NDUFAF6: variants seen among roughly 807,000 people sequenced by gnomAD.
NDUFAF6 encodes the protein NADH:ubiquinone oxidoreductase complex assembly factor 6.
In NDUFAF6, 45 loss-of-function variants were observed where a neutral mutation model predicts 40.8. The observed-to-expected ratio is 1.10, with a 90% CI of 0.87 to 1.42. The LOEUF (loss-of-function observed/expected upper bound fraction) is 1.42. Ranked by LOEUF, NDUFAF6 falls within the 40% of genes most tolerant of loss-of-function variation. The pLI is 0.00. For missense variants in NDUFAF6, 435 were observed against 418.5 expected (o/e 1.04, Z -0.34); for synonymous variants, 185 against 155.9 (o/e 1.19, Z -1.39).
At chr8:95,046,908 A>G in intron 5 of NDUFAF6, 86 bp from the exon 6 acceptor site, 1 of 1,565,552 alleles carries the variant, frequency 6.4e-7, no homozygotes, top group Non-Finnish European at 8.8e-7. Context: ...CTCCTTTTAC[A>G]TGTTTAGGTT....
chr8:95,026,293 C>G (rs1828128015), intron 1 of NDUFAF6, among the ~76,000 whole-genome samples: 1 of 152,062 alleles, frequency 6.6e-6, no homozygotes, highest in South Asian at 2.1e-4. Flanking sequence ...CATGGCGAAA[C>G]CCCATCCCTA....
At chr8:95,099,265 G>A (rs1281612909), upstream of NDUFAF6, among the ~76,000 whole-genome samples, 2 of 151,438 alleles carry the variant, frequency 1.3e-5, no homozygotes, top group African/African-American at 4.9e-5. Flanking sequence ...ACAAAAGCTG[G>A]CGTCTCTTTC....
chr8:95,087,317 G>A (rs1453179362), intron 2 of NDUFAF6, among the ~76,000 whole-genome samples: 1 of 152,116 alleles, frequency 6.6e-6, no homozygotes, highest in African/African-American at 2.4e-5. Context: ...CATCCCCAAA[G>A]ATTTTTTTTA....
intron 2 of NDUFAF6, among the ~76,000 whole-genome samples, chr8:94,952,597 C>T (rs1822715961): frequency 6.6e-6 from 1 of 152,142 alleles, no homozygotes; most frequent in South Asian, 2.1e-4. Flanking sequence ...TCCAGAAAGC[C>T]TGGAACAAAG....
chr8:94,903,798 G>A (rs925707447), intron 1 of NDUFAF6, among the ~76,000 whole-genome samples: 1 of 152,146 alleles, frequency 6.6e-6, no homozygotes, highest in African/African-American at 2.4e-5. Context: ...TTTTTAAGGC[G>A]CTGTTTCTGA....
chr8:94,901,194 G>C (rs1181887294), intron 1 of NDUFAF6, among the ~76,000 whole-genome samples: 1 of 152,180 alleles, frequency 6.6e-6, no homozygotes, highest in African/African-American at 2.4e-5. Flanking sequence ...GCACAACGAG[G>C]TTTGTATGGC....
At chr8:94,932,797 C>T (rs951486593) in intron 1 of NDUFAF6, among the ~76,000 whole-genome samples, 8 of 150,746 alleles carry the variant, frequency 5.3e-5, no homozygotes, top group South Asian at 4.2e-4. Context: ...AGCGAGACTC[C>T]GTCTCAAAAA....
intron 1 of NDUFAF6, among the ~76,000 whole-genome samples, chr8:94,909,472 A>C (rs1377342767): frequency 1.3e-5 from 2 of 151,370 alleles, no homozygotes; most frequent in Admixed American, 1.3e-4. Flanking sequence ...TAAAAATACA[A>C]AAAATTAGCC....
chr8:94,958,523 T>C (rs1311537782), intron 1 of NDUFAF6, among the ~76,000 whole-genome samples: 1 of 6,920 alleles, frequency 1.4e-4, no homozygotes, highest in Non-Finnish European at 3.4e-4. Context: ...AGTCACATTC[T>C]TTTTTTTTTT....
chr8:94,917,901 G>C (rs181064109), intron 1 of NDUFAF6, among the ~76,000 whole-genome samples: 2 of 152,010 alleles, frequency 1.3e-5, no homozygotes, highest in Admixed American at 1.3e-4. Flanking sequence ...TGCTTCTTAC[G>C]TGCAAGAATA....
intron 2 of NDUFAF6, among the ~76,000 whole-genome samples, chr8:95,091,300 G>T (rs909831958): frequency 5.9e-5 from 9 of 152,022 alleles, no homozygotes; most frequent in Admixed American, 3.3e-4. Context: ...TCACATGGCG[G>T]CAGGAAAAAC....
chr8:95,070,279 A>G (rs1456692865), intron 9 of NDUFAF6, among the ~76,000 whole-genome samples: 2 of 152,206 alleles, frequency 1.3e-5, no homozygotes, highest in African/African-American at 4.8e-5. Context: ...CCTACTTCCT[A>G]GAATTATCAT....
chr8:95,015,368 A>G (rs1827398113), intron 2 of NDUFAF6, among the ~76,000 whole-genome samples: 1 of 152,230 alleles, frequency 6.6e-6, no homozygotes, highest in Non-Finnish European at 1.5e-5. Context: ...TTAAGAAAAG[A>G]CTATTTATGA....
chr8:94,967,397 C>T (rs1240160301), intron 1 of NDUFAF6, among the ~76,000 whole-genome samples: 1 of 152,172 alleles, frequency 6.6e-6, no homozygotes, highest in Non-Finnish European at 1.5e-5. Context: ...TGACCATCTT[C>T]CTAGAAAAAG....
intron 1 of NDUFAF6, among the ~76,000 whole-genome samples, chr8:94,968,910 G>T (rs1356556129): frequency 5.9e-5 from 9 of 152,114 alleles, no homozygotes; most frequent in Non-Finnish European, 1.2e-4. Flanking sequence ...ACAGAAGGAG[G>T]AGTCAAAGAT....
chr8:95,061,595 C>T (rs1832572682), downstream of NDUFAF6, among the ~76,000 whole-genome samples: 1 of 152,034 alleles, frequency 6.6e-6, no homozygotes, highest in South Asian at 2.1e-4. Flanking sequence ...TGGAAAACTA[C>T]AAAGTTATTT....
At chr8:95,036,423 C>T (rs776512640) in intron 3 of NDUFAF6, 278 of 1,289,306 alleles carry the variant, frequency 2.2e-4, no homozygotes, top group Non-Finnish European at 2.6e-4. Context: ...ATTGACTTCA[C>T]AGAGCCCCAG....
intron 4 of NDUFAF6, among the ~76,000 whole-genome samples, chr8:95,043,432 G>A (rs1369120224): frequency 1.3e-5 from 2 of 150,820 alleles, no homozygotes; most frequent in African/African-American, 4.9e-5. Context: ...AGCAAGAAAA[G>A]AAAAAATAGA....
chr8:95,103,193 C>CT (rs1175264757), exon 3 of NDUFAF6: 1 of 152,146 alleles, frequency 6.6e-6, no homozygotes, highest in African/African-American at 2.4e-5. Context: ...TTGGTCAGCC[C>CT]TTAGGTGTGA....
Sources: gnomAD v4.1 joint callset for allele counts (sites outside exome capture counted in the v4.1 genomes callset) on GRCh38, gnomAD v4.1.1 for gene constraint, MANE v1.5 for transcripts, NCBI Gene and HGNC (gene_info 2026-07-23, HGNC 2026-07-21) for gene names.